The following AKAP7 variants were observed in gnomAD, a reference collection of about 807,000 sequenced individuals.
AKAP7 encodes A kinase (PRKA) anchor protein 7.
Under a neutral mutation model 39.5 loss-of-function variants are expected in AKAP7, and 39 were observed. That is an observed-to-expected ratio of 0.99 (90% CI 0.76 to 1.29). The LOEUF (loss-of-function observed/expected upper bound fraction) is 1.29. Ranked by LOEUF, AKAP7 falls within the 50% of genes most tolerant of loss-of-function variation. AKAP7 has a pLI of 0.00. For missense variants in AKAP7, 414 were observed against 407.7 expected, an observed-to-expected ratio of 1.02 and a Z score of -0.13; for synonymous variants, 140 against 139.1, an observed-to-expected ratio of 1.01 and a Z score of -0.05.
At chr6:131,250,013 A>T (rs1812310910) in intron 7 of AKAP7, 1 of 221,898 alleles carries the variant, frequency 4.5e-6, no homozygotes, top group Non-Finnish European at 7.6e-6. Context: ...AGTTAATGGT[A>T]CTTCATACAA....
At chr6:131,240,855 C>T (rs868776823) in intron 7 of AKAP7, among the ~76,000 whole-genome samples, 4 of 152,236 alleles carry the variant, frequency 2.6e-5, no homozygotes, top group Non-Finnish European at 4.4e-5. Flanking sequence ...TTGCACTTCC[C>T]GGGTGAGGTG....
chr6:131,143,905 G>GCGGCCTTC (rs71030737), intron 1 of AKAP7, among the ~76,000 whole-genome samples: 16,433 of 134,612 alleles, frequency 0.12, 1,638 homozygotes, highest in East Asian at 0.57. Flanking sequence ...AGAGGACCCT[G>GCGGCCTTC]CGGCCTTCCG....
At chr6:131,262,839 A>G (rs572426223) in intron 7 of AKAP7, among the ~76,000 whole-genome samples, 4 of 152,336 alleles carry the variant, frequency 2.6e-5, no homozygotes, top group African/African-American at 9.6e-5. Flanking sequence ...AATTCTCTCA[A>G]TCCATATTAA....
intron 7 of AKAP7, among the ~76,000 whole-genome samples, chr6:131,257,087 TA>T (rs1331265798): frequency 6.6e-6 from 1 of 152,114 alleles, no homozygotes; most frequent in African/African-American, 2.4e-5. Context: ...GCATTTGTCT[TA>T]AACAGTATCT....
chr6:131,128,013 T>C, the AKAP7 span, among the ~76,000 whole-genome samples: 2 of 152,078 alleles, frequency 1.3e-5, no homozygotes, highest in East Asian at 1.9e-4. Context: ...CAACAGACAC[T>C]GGGGACTATT....
At chr6:131,279,253 TCAG>T (rs937491186) in intron 7 of AKAP7, among the ~76,000 whole-genome samples, 7 of 152,040 alleles carry the variant, frequency 4.6e-5, no homozygotes, top group African/African-American at 1.4e-4. Flanking sequence ...AAATAGGACA[TCAG>T]CAGGGAAAAT....
chr6:131,210,279 C>T (rs1479966888), intron 6 of AKAP7, among the ~76,000 whole-genome samples: 1 of 152,146 alleles, frequency 6.6e-6, no homozygotes, highest in Non-Finnish European at 1.5e-5. Context: ...AATACTAAAC[C>T]AGTTCAGTTC....
chr6:131,237,453 A>G (rs181108123), intron 7 of AKAP7, among the ~76,000 whole-genome samples: 3,365 of 152,170 alleles, frequency 0.022, 116 homozygotes, highest in African/African-American at 0.077. Context: ...CTCTTTTTCT[A>G]TTGATTGGAA....
intron 7 of AKAP7, among the ~76,000 whole-genome samples, chr6:131,243,818 A>C (rs1490870376): frequency 6.7e-6 from 1 of 149,824 alleles, no homozygotes; most frequent in Admixed American, 6.6e-5. Flanking sequence ...CTACAAGTAA[A>C]ATCTTCTCAT....
the AKAP7 span, among the ~76,000 whole-genome samples, chr6:131,126,180 G>A: frequency 2.0e-5 from 3 of 152,076 alleles, no homozygotes; most frequent in African/African-American, 7.2e-5. Flanking sequence ...CACATTTATG[G>A]CTTATTTTTG....
chr6:131,188,224 C>T (rs1374890796), intron 5 of AKAP7, among the ~76,000 whole-genome samples: 4 of 51,154 alleles, frequency 7.8e-5, no homozygotes, highest in Non-Finnish European at 1.5e-4. Flanking sequence ...TTATGTCAGC[C>T]TTTATATTGA....
chr6:131,149,611 G>A (rs924924883), intron 2 of AKAP7, among the ~76,000 whole-genome samples: 2 of 152,142 alleles, frequency 1.3e-5, no homozygotes, highest in Non-Finnish European at 2.9e-5. Flanking sequence ...CTCCAGCCTG[G>A]GCAACACAGC....
rs1272026275 is a variant in AKAP7 at position 131,256,159 on chromosome 6, G to A, written c.851-25371G>A. 3.3e-5 allele frequency among the ~76,000 whole-genome samples: 5 copies of A among 152,172 alleles called. No homozygotes were observed. The South Asian group carries it at 1.0e-3, about 31-fold the overall frequency. On this transcript the variant is annotated intron_variant, in intron 7 of 7. Transcript: ENST00000431975. ...CTCTTTCTGAAGCAGTGAAGCCAGA[G>A]GTATTGTGTGTAACCTGAGACTACA...
At chr6:131,159,940 T>G in intron 2 of AKAP7, 119 bp from the exon 3 acceptor site, 1 of 979,044 alleles carries the variant, frequency 1.0e-6, no homozygotes, top group Non-Finnish European at 1.5e-6. Flanking sequence ...AAACTCCTGC[T>G]TTAGATTTGA....
chr6:131,272,695 C>A (rs964130190), intron 7 of AKAP7, among the ~76,000 whole-genome samples: 1 of 152,132 alleles, frequency 6.6e-6, no homozygotes, highest in African/African-American at 2.4e-5. Flanking sequence ...TTATTTGAAT[C>A]CATTGTGGAA....
At chr6:131,266,078 G>A (rs1813774987) in intron 7 of AKAP7, among the ~76,000 whole-genome samples, 1 of 152,182 alleles carries the variant, frequency 6.6e-6, no homozygotes, top group Non-Finnish European at 1.5e-5. Flanking sequence ...CCCGGGAGGA[G>A]ACCCTCAGCA....
At chr6:131,223,324 G>A (rs978406401) in intron 7 of AKAP7, among the ~76,000 whole-genome samples, 6 of 152,166 alleles carry the variant, frequency 3.9e-5, no homozygotes, top group African/African-American at 1.4e-4. Flanking sequence ...ACCTATGGAT[G>A]TATACATCCT....
chr6:131,266,696 G>T (rs1040481931), intron 7 of AKAP7, among the ~76,000 whole-genome samples: 2 of 147,168 alleles, frequency 1.4e-5, no homozygotes, highest in Non-Finnish European at 3.0e-5. Context: ...TGTTGTTGTT[G>T]TTGTTGTTGT....
intron 5 of AKAP7, among the ~76,000 whole-genome samples, chr6:131,170,074 TGG>T (rs1803884711): frequency 7.0e-6 from 1 of 142,550 alleles, no homozygotes; most frequent in East Asian, 2.1e-4. Flanking sequence ...AATAATAACC[TGG>T]GAATGGTGGG....
Sources: allele counts gnomAD v4.1 joint callset (sites outside exome capture counted in the v4.1 genomes callset), GRCh38; gene constraint gnomAD v4.1.1; transcripts MANE v1.5; gene names NCBI Gene and HGNC (gene_info 2026-07-23, HGNC 2026-07-21).